Variants in PLEKHM3 observed in about 807,000 individuals in gnomAD.
PLEKHM3 encodes the protein pleckstrin homology domain containing M3.
PLEKHM3 carries 45 observed loss-of-function variants against 81.8 expected under a neutral mutation model. The observed-to-expected ratio is 0.55, with a 90% CI of 0.43 to 0.71. The LOEUF (loss-of-function observed/expected upper bound fraction) is 0.71, where lower values mean the gene tolerates loss of function less well. PLEKHM3 is among the 30% of genes least tolerant of loss of function. The pLI is 0.00. For missense variants in PLEKHM3, 788 were observed against 924.3 expected (o/e 0.85, Z 1.91); for synonymous variants, 352 against 356.4 (o/e 0.99, Z 0.14).
intron 4 of PLEKHM3, among the ~76,000 whole-genome samples, chr2:207,932,005 A>G (rs534366625): frequency 6.6e-6 from 1 of 152,314 alleles, no homozygotes; most frequent in South Asian, 2.1e-4. Context: ...AGACTAAATC[A>G]TGTACATATT....
chr2:207,948,981 TC>T (rs145799483), intron 3 of PLEKHM3, among the ~76,000 whole-genome samples: 49,495 of 152,000 alleles, frequency 0.33, 8,205 homozygotes, highest in Middle Eastern at 0.43. Flanking sequence ...CCGGTCCAGA[TC>T]TTTTTTTTAT....
At chr2:207,861,002 G>A (rs901811160) in intron 7 of PLEKHM3, 103 bp downstream of exon 7, 19 of 1,313,106 alleles carry the variant, frequency 1.4e-5, no homozygotes, top group Non-Finnish European at 1.8e-5. Context: ...TCCAGGGTAA[G>A]AGACAGAGAT....
chr2:207,975,750 C>A (rs187935610), intron 3 of PLEKHM3, among the ~76,000 whole-genome samples: 93 of 151,862 alleles, frequency 6.1e-4, no homozygotes, highest in Middle Eastern at 3.4e-3. Context: ...GCACCCACCA[C>A]CAAGCCTGAC....
chr2:207,848,861 G>A (rs1233631555), intron 7 of PLEKHM3, among the ~76,000 whole-genome samples: 1 of 152,224 alleles, frequency 6.6e-6, no homozygotes, highest in Admixed American at 6.5e-5. Flanking sequence ...CCAGATGGAT[G>A]AAAGCAATGG....
intron 3 of PLEKHM3, among the ~76,000 whole-genome samples, chr2:207,965,064 T>C (rs572454599): frequency 3.9e-5 from 6 of 152,310 alleles, no homozygotes; most frequent in Middle Eastern, 3.4e-3. Context: ...GTATAATAGA[T>C]TTTAGAAACT....
Position 208,012,499 on chromosome 2 carries a change from C to T in PLEKHM3, c.-318-10542G>A, listed in dbSNP as rs142653311. Among the ~76,000 whole-genome samples the T allele has an allele frequency of 1.5e-4, 23 of 152,310 alleles. No homozygotes were observed. The East Asian group carries it at 4.2e-3, about 28-fold the overall frequency. ...CCAAGTTCAATTACCTTTTAAATCA[C>T]CTTAAATCATACAGGGGCCCTGATG... On this transcript the variant is annotated intron_variant, in intron 1 of 7. Coordinates refer to ENST00000427836, the MANE Select transcript of PLEKHM3 (RefSeq NM_001080475.3).
intron 3 of PLEKHM3, among the ~76,000 whole-genome samples, chr2:207,948,549 T>TG (rs1690219825): frequency 1.6e-5 from 1 of 60,624 alleles, no homozygotes; most frequent in African/African-American, 7.9e-5. Flanking sequence ...TTTTTTTGTT[T>TG]TTTTTTTTTT....
At chr2:207,917,536 T>G (rs141116455) in intron 5 of PLEKHM3, among the ~76,000 whole-genome samples, 2 of 146,850 alleles carry the variant, frequency 1.4e-5, no homozygotes, top group African/African-American at 5.0e-5. Context: ...CTGTGTAGAT[T>G]GTGCTTTAAG....
At position 207,946,326 on chromosome 2, in the gene PLEKHM3, C is replaced by G. The variant is rs377633859; in HGVS notation, c.1692+41G>C. On this transcript the variant is annotated intron_variant, in intron 4 of 7. Transcript: ENST00000427836. ...AATCCACCTGAGAACATATGAACACCTGAATTATTATTATTAAGTGAACTG... is the reference window on the plus strand; with the variant it reads ...AATCCACCTGAGAACATATGAACACGTGAATTATTATTATTAAGTGAACTG... 6 of 1,585,710 alleles carry G rather than the reference C, an allele frequency of 3.8e-6. No homozygotes were observed. The African/African-American group carries it at 5.4e-5, about 14-fold the overall frequency.
intron 5 of PLEKHM3, among the ~76,000 whole-genome samples, chr2:207,920,422 T>C (rs1689140944): frequency 6.6e-6 from 1 of 152,120 alleles, no homozygotes; most frequent in South Asian, 2.1e-4. Flanking sequence ...TGATTGAGAA[T>C]GGGAAATACT....
chr2:207,904,944 T>G (rs936758487), intron 6 of PLEKHM3, among the ~76,000 whole-genome samples: 1 of 152,218 alleles, frequency 6.6e-6, no homozygotes, highest in Non-Finnish European at 1.5e-5. Flanking sequence ...TAGTGCTTTG[T>G]GTACTATATT....
chr2:208,013,196 C>T (rs1463622855), intron 1 of PLEKHM3, among the ~76,000 whole-genome samples: 1 of 152,192 alleles, frequency 6.6e-6, no homozygotes, highest in African/African-American at 2.4e-5. Context: ...CAAAAACATA[C>T]AACAAAACCA....
rs976525744 is a variant in PLEKHM3 at position 207,826,966 on chromosome 2, C to G, written c.*1353G>C. 1.3e-5 allele frequency: 2 copies of G among 152,190 alleles called. No individual in the cohort carries two copies. The highest frequency in any genetic ancestry group is 4.8e-5 in the African/African-American group (2 of 41,442). The allele number at this position is 152,190 out of a possible 1,614,324, so 9.4% of individuals were successfully genotyped here. On this transcript the variant is annotated 3_prime_UTR_variant, in exon 8 of 8. Coordinates refer to ENST00000427836, the MANE Select transcript of PLEKHM3 (RefSeq NM_001080475.3). ...TTGGTCACAGTGACTGCCACGTGCT[C>G]TTCCAAGGGCACTGCAGCTGGAGAA...
Position 207,977,430 on chromosome 2 carries a change from G to A in PLEKHM3, c.767C>T (p.Thr256Met), listed in dbSNP as rs71418661. The A allele has an allele frequency of 1.5e-3, 2,412 of 1,614,212 alleles. 3 individuals carry two copies. The highest frequency in any genetic ancestry group is 1.9e-3 in the Non-Finnish European group (2,188 of 1,180,034). The stretch of plus-strand genomic sequence containing the variant: ...GCTCTGGAAGTGTGAAAGCTGGTAC[G>A]TGGCATAAAGGTTTTGATTCCCACT... Reference protein sequence around the residue: ...DSSGNQNLYATYQLSHFQSIS... With the variant: ...DSSGNQNLYAMYQLSHFQSIS... The change falls in exon 3 of 8, where the codon ACG (threonine) becomes ATG (methionine). Residue 256 changes from threonine (T) to methionine (M), a missense_variant. Thr to Met is a moderately conservative substitution (Grantham distance 81, BLOSUM62 -1). Coordinates refer to ENST00000427836, the MANE Select transcript of PLEKHM3 (RefSeq NM_001080475.3).
At chr2:208,010,293 T>C (rs543724450) in intron 1 of PLEKHM3, among the ~76,000 whole-genome samples, 42 of 152,368 alleles carry the variant, frequency 2.8e-4, no homozygotes, top group Non-Finnish European at 5.9e-4. Flanking sequence ...CTCAGATTGC[T>C]TTGCGACTGA....
intron 3 of PLEKHM3, among the ~76,000 whole-genome samples, chr2:207,948,354 T>TTTA (rs1690209209): frequency 1.5e-5 from 2 of 137,008 alleles, no homozygotes; most frequent in African/African-American, 2.8e-5. Flanking sequence ...CAGATCTTTT[T>TTTA]TTTTTTTTTT....
intron 4 of PLEKHM3, among the ~76,000 whole-genome samples, chr2:207,939,269 A>T (rs577230472): frequency 1.3e-5 from 2 of 152,330 alleles, no homozygotes; most frequent in African/African-American, 4.8e-5. Flanking sequence ...TACAAGAAGC[A>T]GAGGATAGAA....
intron 7 of PLEKHM3, among the ~76,000 whole-genome samples, chr2:207,828,982 T>C (rs2092269451): frequency 1.3e-5 from 2 of 152,226 alleles, no homozygotes; most frequent in South Asian, 4.1e-4. Flanking sequence ...ATTTGACAGT[T>C]TGAAAAGATA....
At chr2:207,849,425 C>T (rs191676998) in intron 7 of PLEKHM3, among the ~76,000 whole-genome samples, 1 of 152,276 alleles carries the variant, frequency 6.6e-6, no homozygotes. Context: ...GTTCAATGCC[C>T]TGTGTGCCAC....
Sources: allele counts gnomAD v4.1 joint callset (sites outside exome capture counted in the v4.1 genomes callset), GRCh38; gene constraint gnomAD v4.1.1; transcripts MANE v1.5; gene names NCBI Gene and HGNC (gene_info 2026-07-23, HGNC 2026-07-21).